The following KLHL2 variants were observed in gnomAD, a reference collection of about 807,000 sequenced individuals.
KLHL2 encodes the protein kelch like family member 2.
A neutral mutation model predicts 75.8 loss-of-function variants in KLHL2; 15 were observed. The ratio of observed to expected loss-of-function variants is 0.20; its 90% CI spans 0.13 to 0.30. KLHL2 has a LOEUF of 0.30. KLHL2 is among the 10% of genes least tolerant of loss of function. The pLI, the probability that KLHL2 is intolerant of heterozygous loss-of-function variation, is 1.00. For missense variants in KLHL2, 381 were observed against 741.0 expected (o/e 0.51, Z 5.64); for synonymous variants, 214 against 251.9 (o/e 0.85, Z 1.42).
intron 5 of KLHL2, among the ~76,000 whole-genome samples, chr4:165,276,524 A>G (rs1244041482): frequency 2.6e-5 from 4 of 150,990 alleles, no homozygotes; most frequent in Non-Finnish European, 4.4e-5. Context: ...TTTTTTTTTC[A>G]CTGTTTATTA....
intron 9 of KLHL2, among the ~76,000 whole-genome samples, chr4:165,307,043 G>C (rs1335384521): frequency 6.6e-6 from 1 of 152,120 alleles, no homozygotes; most frequent in Admixed American, 6.5e-5. Flanking sequence ...GGCGCAGTGG[G>C]TCATGCCTGT....
chr4:165,231,584 A>G (rs1333764207), intron 3 of KLHL2, among the ~76,000 whole-genome samples: 1 of 152,168 alleles, frequency 6.6e-6, no homozygotes, highest in East Asian at 1.9e-4. Context: ...TAAATGTTTC[A>G]AAGGAAGGTT....
chr4:165,258,760 A>G (rs1460964936), intron 4 of KLHL2, among the ~76,000 whole-genome samples: 1 of 152,248 alleles, frequency 6.6e-6, no homozygotes, highest in Non-Finnish European at 1.5e-5. Flanking sequence ...AAGTAAGCCA[A>G]GGGATTATGA....
chr4:165,267,237 T>C (rs555666127), intron 5 of KLHL2, among the ~76,000 whole-genome samples: 1 of 152,350 alleles, frequency 6.6e-6, no homozygotes, highest in South Asian at 2.1e-4. Context: ...TTTCTAAATA[T>C]ACAATCATGT....
Position 165,311,047 on chromosome 4 carries a change from C to A in KLHL2, c.1237+297C>A, listed in dbSNP as rs899362835. 3.9e-5 allele frequency among the ~76,000 whole-genome samples: 6 copies of A among 151,952 alleles called. 1 individual carries two copies. The highest frequency in any genetic ancestry group is 1.3e-4 in the Admixed American group (2 of 15,256). ...TTTTTTTTGTATTTTTTAGTAGAGA[C>A]GGGGTTTCACCATGTTAGCCAGGAT... On this transcript the variant is annotated intron_variant, in intron 10 of 14. Transcript: ENST00000226725.
intron 10 of KLHL2, among the ~76,000 whole-genome samples, chr4:165,311,164 TAA>T (rs1746157681): frequency 6.6e-6 from 1 of 152,222 alleles, no homozygotes; most frequent in African/African-American, 2.4e-5. Flanking sequence ...TATTTAAAGA[TAA>T]GTTTAAAATT....
chr4:165,228,770 A>G, intron 2 of KLHL2, 37 bp from the exon 3 acceptor site: 3 of 1,323,352 alleles, frequency 2.3e-6, no homozygotes, highest in Non-Finnish European at 3.3e-6. Context: ...TTCGTTGTTG[A>G]TATCATTTAA....
intron 4 of KLHL2, among the ~76,000 whole-genome samples, chr4:165,251,844 C>T (rs1198144388): frequency 2.6e-5 from 4 of 152,010 alleles, no homozygotes; most frequent in East Asian, 1.9e-4. Flanking sequence ...CTCCTGACCT[C>T]GTGATCCGCC....
At chr4:165,294,286 C>T in intron 5 of KLHL2, 73 bp from the exon 6 acceptor site, 2 of 848,946 alleles carry the variant, frequency 2.4e-6, no homozygotes, top group Non-Finnish European at 1.9e-6. Context: ...TAAGAAAAAC[C>T]TTTTTTAAGC....
intron 5 of KLHL2, among the ~76,000 whole-genome samples, chr4:165,273,834 A>G (rs1246965988): frequency 6.6e-6 from 1 of 152,232 alleles, no homozygotes; most frequent in Non-Finnish European, 1.5e-5. Flanking sequence ...ATTGTTCTTG[A>G]CATTTTAAGC....
At chr4:165,274,606 C>T (rs1207063832) in intron 5 of KLHL2, among the ~76,000 whole-genome samples, 4 of 117,812 alleles carry the variant, frequency 3.4e-5, no homozygotes, top group African/African-American at 1.4e-4. Context: ...GAGACTACGT[C>T]TCAAAAAAAA....
chr4:165,295,623 G>A (rs1744849887), intron 6 of KLHL2, among the ~76,000 whole-genome samples: 1 of 152,140 alleles, frequency 6.6e-6, no homozygotes, highest in Non-Finnish European at 1.5e-5. Context: ...ATAGGTATGG[G>A]GATGGTAGTT....
intron 5 of KLHL2, chr4:165,278,671 A>G: frequency 6.3e-7 from 1 of 1,599,892 alleles, no homozygotes; most frequent in South Asian, 1.1e-5. Context: ...TAACAGCACC[A>G]GCTATAGCTA....
chr4:165,296,630 C>T (rs1016887748), intron 6 of KLHL2, among the ~76,000 whole-genome samples: 1 of 151,868 alleles, frequency 6.6e-6, no homozygotes, highest in Admixed American at 6.6e-5. Context: ...GAGGTGAGGG[C>T]CAGATGAGAG....
At chr4:165,266,769 G>T (rs1742275180) in intron 5 of KLHL2, among the ~76,000 whole-genome samples, 1 of 152,156 alleles carries the variant, frequency 6.6e-6, no homozygotes, top group Non-Finnish European at 1.5e-5. Flanking sequence ...CTCCAGCTTT[G>T]TTCTTTTTGC....
intron 5 of KLHL2, among the ~76,000 whole-genome samples, chr4:165,283,616 G>T (rs1304222035): frequency 1.3e-5 from 2 of 152,196 alleles, no homozygotes; most frequent in African/African-American, 2.4e-5. Flanking sequence ...TCAGGGGCTG[G>T]TGTTGAGTGT....
rs886953406 is a variant in KLHL2 at position 165,264,560 on chromosome 4, T to C, written c.544+1201T>C. Among the ~76,000 whole-genome samples the C allele has an allele frequency of 7.4e-5, 11 of 148,862 alleles. No homozygotes were observed. In the South Asian group the frequency reaches 8.5e-4, roughly 11 times the overall value. The stretch of plus-strand genomic sequence containing the variant: ...CTGCAAAAGACATTATTTCTTTCTT[T>C]TTTTATGGCAGAGTAGTATTCCATC... On this transcript the variant is annotated intron_variant, in intron 5 of 14. Coordinates refer to ENST00000226725, the MANE Select transcript of KLHL2 (RefSeq NM_007246.4).
At chr4:165,226,787 A>C (rs1162733937) in intron 2 of KLHL2, among the ~76,000 whole-genome samples, 2 of 152,160 alleles carry the variant, frequency 1.3e-5, no homozygotes, top group Non-Finnish European at 2.9e-5. Context: ...AAACTTTAAC[A>C]GATCTTAAAA....
intron 11 of KLHL2, among the ~76,000 whole-genome samples, chr4:165,312,541 A>G (rs887695732): frequency 6.6e-6 from 1 of 152,120 alleles, no homozygotes; most frequent in Non-Finnish European, 1.5e-5. Flanking sequence ...CACATCATAC[A>G]ATTCACCCAT....
Sources: gnomAD v4.1 joint callset for allele counts (sites outside exome capture counted in the v4.1 genomes callset) on GRCh38, gnomAD v4.1.1 for gene constraint, MANE v1.5 for transcripts, NCBI Gene and HGNC (gene_info 2026-07-23, HGNC 2026-07-21) for gene names.